PVT1: variants seen among roughly 807,000 people sequenced by gnomAD.
PVT1 encodes the protein Pvt1 oncogene.
At chr8:127,827,743 C>A (rs1171325725) in intron 2 of PVT1, among the ~76,000 whole-genome samples, 1 of 152,148 alleles carries the variant, frequency 6.6e-6, no homozygotes, top group African/African-American at 2.4e-5. Context: ...CTGCATGGCC[C>A]CAGACCATGA....
intron 2 of PVT1, among the ~76,000 whole-genome samples, chr8:127,871,088 G>A (rs1815346627): frequency 6.6e-6 from 1 of 152,190 alleles, no homozygotes; most frequent in South Asian, 2.1e-4. Context: ...TGAAAACCAT[G>A]CCCTGTCTAC....
At chr8:127,806,421 A>G (rs1335484180) in intron 2 of PVT1, among the ~76,000 whole-genome samples, 1 of 152,156 alleles carries the variant, frequency 6.6e-6, no homozygotes, top group Non-Finnish European at 1.5e-5. Flanking sequence ...AGATCTTGCC[A>G]CTGCATGCCA....
chr8:128,021,529 G>T (rs752680282), intron 4 of PVT1, among the ~76,000 whole-genome samples: 2 of 151,926 alleles, frequency 1.3e-5, no homozygotes, highest in Non-Finnish European at 2.9e-5. Flanking sequence ...TCCTGACTTC[G>T]TGATCCGCCC....
intron 4 of PVT1, among the ~76,000 whole-genome samples, chr8:128,022,240 G>A (rs1180697284): frequency 6.6e-6 from 1 of 152,170 alleles, no homozygotes; most frequent in East Asian, 1.9e-4. Context: ...TTAAGGTGGG[G>A]ACGGGGTGGG....
intron 2 of PVT1, among the ~76,000 whole-genome samples, chr8:127,813,216 TATATATAATATATACAA>T (rs1194016425): frequency 2.7e-5 from 4 of 146,806 alleles, no homozygotes; most frequent in Non-Finnish European, 6.0e-5. Context: ...TACAAATATA[TATATATAATATATACAA>T]ATATATAATA....
chr8:128,032,506 A>C (rs1478792805), intron 4 of PVT1, among the ~76,000 whole-genome samples: 2 of 152,206 alleles, frequency 1.3e-5, no homozygotes, highest in African/African-American at 4.8e-5. Flanking sequence ...TCATCTCATC[A>C]GTAGCCCTGG....
chr8:128,016,065 C>T (rs992717746), intron 4 of PVT1, among the ~76,000 whole-genome samples: 7 of 152,078 alleles, frequency 4.6e-5, no homozygotes, highest in Non-Finnish European at 7.4e-5. Flanking sequence ...ATTGCTTCAT[C>T]TCAGGAGTTG....
chr8:127,844,538 C>T (rs1246384726), intron 2 of PVT1, among the ~76,000 whole-genome samples: 4 of 152,112 alleles, frequency 2.6e-5, no homozygotes, highest in Non-Finnish European at 5.9e-5. Context: ...CAACTCATGC[C>T]ACCTCCCCCA....
chr8:128,013,307 A>G (rs780504445), intron 4 of PVT1, among the ~76,000 whole-genome samples: 12 of 152,102 alleles, frequency 7.9e-5, no homozygotes, highest in Non-Finnish European at 1.3e-4. Flanking sequence ...TCCACAAATA[A>G]GTCTTGCTTA....
At chr8:127,847,148 G>A (rs761968973) in intron 2 of PVT1, among the ~76,000 whole-genome samples, 9 of 151,476 alleles carry the variant, frequency 5.9e-5, no homozygotes, top group Non-Finnish European at 1.2e-4. Flanking sequence ...GATTATAGGC[G>A]CCCACCACCA....
chr8:128,072,158 C>T (rs985613592), intron 5 of PVT1, among the ~76,000 whole-genome samples: 4 of 152,096 alleles, frequency 2.6e-5, no homozygotes, highest in African/African-American at 7.2e-5. Context: ...CTTCTGGCTC[C>T]GAAACTGGGC....
intron 4 of PVT1, among the ~76,000 whole-genome samples, chr8:128,049,930 G>A (rs1309553900): frequency 2.0e-5 from 3 of 152,130 alleles, no homozygotes; most frequent in South Asian, 2.1e-4. Flanking sequence ...GGACACTGCT[G>A]TATCCCCTGA....
chr8:127,983,725 G>A (rs571060613), intron 3 of PVT1, among the ~76,000 whole-genome samples: 71 of 152,182 alleles, frequency 4.7e-4, no homozygotes, highest in Non-Finnish European at 9.1e-4. Flanking sequence ...AGGAAATTTA[G>A]CATTGCTGCA....
At chr8:127,925,067 C>G (rs533515554) in intron 3 of PVT1, among the ~76,000 whole-genome samples, 95 of 152,346 alleles carry the variant, frequency 6.2e-4, no homozygotes, top group African/African-American at 2.2e-3. Flanking sequence ...TTTATTCCCA[C>G]AATTCTCTGC....
intron 2 of PVT1, among the ~76,000 whole-genome samples, chr8:127,807,774 T>TGAA (rs1327548814): frequency 1.4e-5 from 2 of 147,322 alleles, no homozygotes; most frequent in Admixed American, 6.8e-5. Context: ...TCTTTTTTTC[T>TGAA]TTTTTTTTTT....
chr8:127,858,398 C>T (rs1303810206), intron 2 of PVT1, among the ~76,000 whole-genome samples: 1 of 147,776 alleles, frequency 6.8e-6, no homozygotes, highest in Non-Finnish European at 1.5e-5. Flanking sequence ...CAGAGTGAGA[C>T]TCTGTCTCAA....
chr8:127,908,503 G>A lies in PVT1; in HGVS notation n.782+17505G>A, dbSNP rs373559564. Among the ~76,000 whole-genome samples, 24 of 151,814 alleles carry A rather than the reference G, an allele frequency of 1.6e-4. No homozygotes were observed. The South Asian group carries it at 5.0e-3, about 32-fold the overall frequency. On this transcript the variant is annotated intron_variant and non_coding_transcript_variant, in intron 3 of 10. Coordinates refer to ENST00000651587, the Ensembl canonical transcript of PVT1. ...ATTACAGGGTTGTGCCACCACGCCC[G>A]GCTAATTTTTGTATTTTTAGTAAAG...
Position 127,863,078 on chromosome 8 carries a change from TTTTATTTATTTATTTATTTA to T in PVT1, n.373-27483_373-27464del, listed in dbSNP as rs146647918. On this transcript the variant is annotated intron_variant and non_coding_transcript_variant, in intron 2 of 10. Transcript: ENST00000651587. ...CCCCATTAATCTGGGCAGTTGCTAG[TTTTATTTATTTATTTATTTA>T]TTTATTTATTTATTTATTTATTTAT... Among the ~76,000 whole-genome samples, 822 of 142,134 alleles carry T rather than the reference TTTTATTTATTTATTTATTTA, an allele frequency of 5.8e-3. 10 individuals carry two copies. Among genetic ancestry groups the T allele is most frequent in the African/African-American group, 0.02 (773 of 39,190 alleles). 93.2% of individuals were successfully genotyped at this position (142,134 alleles called of 152,430 possible). A position where few individuals can be genotyped will look rare whatever the true frequency, so the allele number is the denominator to read the frequency against.
chr8:127,883,901 G>C (rs1815497041), intron 2 of PVT1, among the ~76,000 whole-genome samples: 1 of 152,344 alleles, frequency 6.6e-6, no homozygotes, highest in Admixed American at 6.5e-5. Flanking sequence ...ATGAAACAGG[G>C]AAACCTGGAA....
Sources: gnomAD v4.1 joint callset for allele counts (sites outside exome capture counted in the v4.1 genomes callset) on GRCh38, gnomAD v4.1.1 for gene constraint, MANE v1.5 for transcripts, NCBI Gene and HGNC (gene_info 2026-07-23, HGNC 2026-07-21) for gene names.